HK1: variants seen among roughly 807,000 people sequenced by gnomAD.
HK1 encodes the protein hexokinase-1.
In HK1, 28 loss-of-function variants were observed where a neutral mutation model predicts 91.6. That is an observed-to-expected ratio of 0.31 (90% confidence interval 0.23 to 0.42). The LOEUF is 0.42. Among genes scored for constraint, HK1 ranks in the 10% least tolerant of loss-of-function variants. The pLI is 1.00. For missense variants in HK1, 770 were observed against 1,219.8 expected (o/e 0.63, Z 5.49); for synonymous variants, 430 against 468.1 (o/e 0.92, Z 1.05).
intron 1 of HK1, among the ~76,000 whole-genome samples, chr10:69,270,260 G>A (rs1405414615): frequency 4.6e-5 from 7 of 152,152 alleles, no homozygotes; most frequent in Admixed American, 3.3e-4. Flanking sequence ...ACAGCCACGC[G>A]CCACTGCACC....
chr10:69,350,618 C>T (rs1321662680), intron 2 of HK1, among the ~76,000 whole-genome samples: 1 of 151,698 alleles, frequency 6.6e-6, no homozygotes, highest in Non-Finnish European at 1.5e-5. Context: ...ACCAAGATTG[C>T]GCCATTGCAC....
At chr10:69,338,230 C>G (rs1848098273) in intron 1 of HK1, 4 of 1,108,922 alleles carry the variant, frequency 3.6e-6, no homozygotes, top group Non-Finnish European at 3.3e-6. Flanking sequence ...TGCAGCCGGT[C>G]TGGCTACCCT....
chr10:69,323,691 C>T (rs1847172613), intron 1 of HK1, among the ~76,000 whole-genome samples: 1 of 152,190 alleles, frequency 6.6e-6, no homozygotes, highest in South Asian at 2.1e-4. Flanking sequence ...GAAGCCCCAT[C>T]ACTTTATCTG....
intron 3 of HK1, among the ~76,000 whole-genome samples, chr10:69,289,629 GC>G (rs1845201314): frequency 6.6e-6 from 1 of 151,356 alleles, no homozygotes; most frequent in South Asian, 2.1e-4. Flanking sequence ...GCGCCACCAT[GC>G]CTGGCTAATT....
chr10:69,376,796 A>C, intron 7 of HK1, 138 bp from the exon 8 acceptor site: 2 of 1,071,716 alleles, frequency 1.9e-6, no homozygotes, highest in Admixed American at 3.4e-5. Context: ...TCACTCAAGC[A>C]CATGGTTTTG....
At chr10:69,396,078 C>G (rs908791739) in intron 16 of HK1, among the ~76,000 whole-genome samples, 1 of 151,982 alleles carries the variant, frequency 6.6e-6, no homozygotes, top group Non-Finnish European at 1.5e-5. Context: ...TCGAGACCAG[C>G]CTGGTTAACA....
At chr10:69,320,098 T>C (rs1453661360) in intron 1 of HK1, among the ~76,000 whole-genome samples, 4 of 152,120 alleles carry the variant, frequency 2.6e-5, no homozygotes, top group East Asian at 3.9e-4. Context: ...CCTCTTCCTG[T>C]GCATCTAAGA....
intron 7 of HK1, among the ~76,000 whole-genome samples, chr10:69,370,192 C>CAG (rs1447873229): frequency 6.6e-6 from 1 of 152,138 alleles, no homozygotes; most frequent in African/African-American, 2.4e-5. Context: ...ACAAAAAGCA[C>CAG]AGAGGCATTG....
chr10:69,292,350 G>A (rs1278689062), intron 3 of HK1: 6 of 445,550 alleles, frequency 1.3e-5, no homozygotes, highest in Non-Finnish European at 1.8e-5. Context: ...TGGGATTACA[G>A]GTATGAGCCA....
intron 4 of HK1, among the ~76,000 whole-genome samples, chr10:69,365,532 A>G (rs1364563346): frequency 1.3e-5 from 2 of 152,220 alleles, no homozygotes; most frequent in African/African-American, 4.8e-5. Context: ...ATGGAAAGAC[A>G]GAAACCACAC....
chr10:69,272,667 T>C (rs200164374), intron 1 of HK1, among the ~76,000 whole-genome samples: 108 of 132,034 alleles, frequency 8.2e-4, no homozygotes, highest in African/African-American at 2.2e-3. Context: ...TTTTTTTTTT[T>C]CCCCTTTCTA....
At chr10:69,337,193 G>A (rs1274279388) in intron 1 of HK1, among the ~76,000 whole-genome samples, 2 of 152,126 alleles carry the variant, frequency 1.3e-5, no homozygotes, top group Non-Finnish European at 2.9e-5. Flanking sequence ...TCTGTCCACA[G>A]CCCTGTGTAC....
rs1201396836 is a variant in HK1, at chr10:69,398,781, G to C, written c.2562G>C (p.Leu854=). ...KIRENRGLDR[L]NVTVGVDGTL... ...GCGAGAACAGAGGACTGGACCGTCT[G>C]AATGTGACTGTGGGAGTGGACGGGA... Residue 854 remains leucine, a synonymous_variant, in exon 17 of 18, where the codon CTG becomes CTC. Transcript: ENST00000359426. 6 of 1,613,982 alleles carry C rather than the reference G, an allele frequency of 3.7e-6. No individual in the cohort carries two copies. The highest frequency in any genetic ancestry group is 5.1e-6 in the Non-Finnish European group (6 of 1,179,934).
intron 1 of HK1, among the ~76,000 whole-genome samples, chr10:69,334,733 C>T (rs1179217013): frequency 1.3e-5 from 2 of 152,202 alleles, no homozygotes; most frequent in Non-Finnish European, 2.9e-5. Context: ...TCCTGTACCC[C>T]TGGCACTCAC....
At chr10:69,398,502 T>G in intron 16 of HK1, 93 bp from the exon 17 acceptor site, 1 of 864,744 alleles carries the variant, frequency 1.2e-6, no homozygotes, top group Non-Finnish European at 1.9e-6. Flanking sequence ...ATGAGTACAG[T>G]GATTGGGGGC....
chr10:69,294,023 G>A (rs539255860), intron 3 of HK1, among the ~76,000 whole-genome samples: 390 of 151,738 alleles, frequency 2.6e-3, no homozygotes, highest in Non-Finnish European at 4.0e-3. Flanking sequence ...CACCACGCCC[G>A]GCTGATTTTT....
intron 1 of HK1, among the ~76,000 whole-genome samples, chr10:69,334,209 C>G (rs556740285): frequency 6.6e-6 from 1 of 152,294 alleles, no homozygotes; most frequent in South Asian, 2.1e-4. Context: ...TGCTGAGAGA[C>G]ACATATGAAC....
chr10:69,294,857 A>G (rs1845478614), intron 3 of HK1, among the ~76,000 whole-genome samples: 1 of 151,332 alleles, frequency 6.6e-6, no homozygotes, highest in Non-Finnish European at 1.5e-5. Flanking sequence ...GCGAGACTCC[A>G]TCTCAATAAA....
chr10:69,373,963 C>G (rs1850153128), intron 7 of HK1, among the ~76,000 whole-genome samples: 1 of 152,052 alleles, frequency 6.6e-6, no homozygotes, highest in African/African-American at 2.4e-5. Context: ...ATCCTTTTTC[C>G]CTGTGATTCC....
Sources: gnomAD v4.1 joint callset for allele counts (sites outside exome capture counted in the v4.1 genomes callset) on GRCh38, gnomAD v4.1.1 for gene constraint, MANE v1.5 for transcripts, NCBI Gene and HGNC (gene_info 2026-07-23, HGNC 2026-07-21) for gene names.